COX16: variants seen among roughly 807,000 people sequenced by gnomAD.
COX16 encodes cytochrome c oxidase assembly factor COX16.
Under a neutral mutation model 15.4 loss-of-function variants are expected in COX16, and 12 were observed. The observed-to-expected ratio is 0.78, with a 90% CI of 0.50 to 1.26. The LOEUF (loss-of-function observed/expected upper bound fraction) is 1.26. Ranked by LOEUF, COX16 falls within the 50% of genes most tolerant of loss-of-function variation. The probability of loss-of-function intolerance (pLI) is 0.00; values close to 1 mark genes in which losing one functional copy is unlikely to be tolerated. For missense variants in COX16, 124 were observed against 127.6 expected (o/e 0.97, Z 0.14); for synonymous variants, 46 against 41.1 (o/e 1.12, Z -0.46).
chr14:70,346,076 C>A (rs566207265), intron 1 of COX16, among the ~76,000 whole-genome samples: 1 of 152,096 alleles, frequency 6.6e-6, no homozygotes, highest in African/African-American at 2.4e-5. Context: ...CGCCACCTTA[C>A]GCCCCTGCCT....
intron 1 of COX16, chr14:70,359,300 C>T (rs1179192372): frequency 6.3e-6 from 4 of 638,732 alleles, no homozygotes; most frequent in South Asian, 6.0e-5. Flanking sequence ...TCCTAGTACA[C>T]CTGAAATCCA....
chr14:70,340,463 G>C (rs1414221959), intron 2 of COX16, among the ~76,000 whole-genome samples: 4 of 152,132 alleles, frequency 2.6e-5, no homozygotes, highest in Non-Finnish European at 5.9e-5. Context: ...CCAAAACCTT[G>C]AGACATCTTA....
chr14:70,342,910 A>G (rs544515216), intron 1 of COX16, among the ~76,000 whole-genome samples, 181 bp from the exon 2 acceptor site: 5 of 152,348 alleles, frequency 3.3e-5, no homozygotes, highest in African/African-American at 1.2e-4. Flanking sequence ...TGGCTAGGAA[A>G]TCATTATAGC....
At chr14:70,331,815 TCAGGATGTC>T (rs1886299624) in intron 2 of COX16, among the ~76,000 whole-genome samples, 1 of 13,792 alleles carries the variant, frequency 7.3e-5, no homozygotes, top group Non-Finnish European at 1.7e-4. Flanking sequence ...ATGGGAATGT[TCAGGATGTC>T]ACCAAGATGG....
Position 70,359,660 on chromosome 14 carries a change from T to C in COX16, c.-73A>G. 7.3e-7 allele frequency: 1 copy of C among 1,363,408 alleles called. No individual in the cohort carries two copies. The highest frequency in any genetic ancestry group is 1.4e-5 in the African/African-American group (1 of 70,254). 84.5% of individuals were successfully genotyped at this position (1,363,408 alleles called of 1,614,324 possible). A position where few individuals can be genotyped will look rare whatever the true frequency, so the allele number is the denominator to read the frequency against. On this transcript the variant is annotated 5_prime_UTR_variant, in exon 1 of 4. Transcript: ENST00000389912. ...ACTCCCAAATCTCAGCAGCTCACGCTCTCACCAAGACGAGTACGTCCTTAA... is the reference window on the plus strand; with the variant it reads ...ACTCCCAAATCTCAGCAGCTCACGCCCTCACCAAGACGAGTACGTCCTTAA...
intron 1 of COX16, among the ~76,000 whole-genome samples, chr14:70,347,060 G>T (rs981575810): frequency 1.3e-5 from 2 of 151,630 alleles, no homozygotes; most frequent in Non-Finnish European, 2.9e-5. Flanking sequence ...ACCTTCAGTC[G>T]CAAAACACCA....
chr14:70,326,294 T>C lies in COX16; in HGVS notation c.*39A>G. 3 of 1,406,430 alleles carry C rather than the reference T, an allele frequency of 2.1e-6. No homozygotes were observed. Among genetic ancestry groups the C allele is most frequent in the Non-Finnish European group, 2.8e-6 (3 of 1,069,174 alleles). The allele number at this position is 1,406,430 out of a possible 1,614,324, so 87.1% of individuals were successfully genotyped here. ...TAGGAAGTCCAGTTAATAATATTTTTATTTAAAAAAAAAAAAAAGGAAAAA... is the reference window on the plus strand; with the variant it reads ...TAGGAAGTCCAGTTAATAATATTTTCATTTAAAAAAAAAAAAAAGGAAAAA... On this transcript the variant is annotated 3_prime_UTR_variant, in exon 4 of 4. Coordinates refer to ENST00000389912, the MANE Select transcript of COX16 (RefSeq NM_016468.7).
At chr14:70,357,983 AAAC>A (rs2140770273) in intron 1 of COX16, among the ~76,000 whole-genome samples, 1 of 152,354 alleles carries the variant, frequency 6.6e-6, no homozygotes, top group South Asian at 2.1e-4. Context: ...TCAAAAATTG[AAAC>A]AACCCAAATG....
intron 2 of COX16, among the ~76,000 whole-genome samples, chr14:70,340,170 T>A: frequency 6.6e-6 from 1 of 152,112 alleles, no homozygotes; most frequent in Middle Eastern, 3.2e-3. Flanking sequence ...CCCATGCTAG[T>A]CTCATGATAG....
intron 2 of COX16, among the ~76,000 whole-genome samples, chr14:70,330,678 A>G (rs1255767578): frequency 2.0e-5 from 3 of 152,236 alleles, no homozygotes; most frequent in African/African-American, 7.2e-5. Flanking sequence ...TAATTTGCAA[A>G]CAAACTAATG....
At chr14:70,341,736 GTTTC>G (rs1368485965) in intron 2 of COX16, among the ~76,000 whole-genome samples, 1 of 152,052 alleles carries the variant, frequency 6.6e-6, no homozygotes, top group Non-Finnish European at 1.5e-5. Flanking sequence ...TTCAACGTAC[GTTTC>G]TTTTACTTTA....
chr14:70,325,181 A>G lies in COX16; in HGVS notation c.*1152T>C, dbSNP rs947369982. 1.3e-5 allele frequency: 2 copies of G among 152,236 alleles called. No homozygotes were observed. Among genetic ancestry groups the G allele is most frequent in the African/African-American group, 4.8e-5 (2 of 41,458 alleles). The allele number at this position is 152,236 out of a possible 1,614,324, so 9.4% of individuals were successfully genotyped here. The stretch of plus-strand genomic sequence containing the variant: ...GTGGATTTATGATTTTATGGCAATT[A>G]TAACAGGAGTGTTTCAATGGAGACT... On this transcript the variant is annotated 3_prime_UTR_variant, in exon 4 of 4. Coordinates refer to ENST00000389912, the MANE Select transcript of COX16 (RefSeq NM_016468.7).
chr14:70,340,564 T>A lies in COX16; in HGVS notation c.141+2094A>T, dbSNP rs191139452. On this transcript the variant is annotated intron_variant, in intron 2 of 3. Coordinates refer to ENST00000389912, the MANE Select transcript of COX16 (RefSeq NM_016468.7). Reference sequence around the variant, plus strand: ...ATTGCTGGAACTCATTAATTTCTCTTTATCATCGTTGCAAATATTTTATTT... The same window carrying A: ...ATTGCTGGAACTCATTAATTTCTCTATATCATCGTTGCAAATATTTTATTT... Among the ~76,000 whole-genome samples, 331 of 151,902 alleles carry A rather than the reference T, an allele frequency of 2.2e-3. 1 individual carries two copies. The highest frequency in any genetic ancestry group is 3.7e-3 in the Non-Finnish European group (250 of 68,010).
intron 2 of COX16, among the ~76,000 whole-genome samples, chr14:70,332,439 C>T (rs1886319166): frequency 6.6e-6 from 1 of 152,120 alleles, no homozygotes; most frequent in South Asian, 2.1e-4. Flanking sequence ...GACAAGTGCC[C>T]CACTTGAGCC....
At chr14:70,353,288 A>T (rs1042372104) in intron 1 of COX16, among the ~76,000 whole-genome samples, 1 of 150,322 alleles carries the variant, frequency 6.7e-6, no homozygotes, top group Middle Eastern at 3.2e-3. Context: ...AAAGAAAAAA[A>T]ATCTAATTAG....
intron 2 of COX16, among the ~76,000 whole-genome samples, chr14:70,333,244 A>C (rs1430130137): frequency 6.6e-6 from 1 of 152,262 alleles, no homozygotes; most frequent in East Asian, 1.9e-4. Flanking sequence ...AGGCACTGGA[A>C]ACCAACCCTA....
chr14:70,333,779 A>G (rs1886363176), intron 2 of COX16, among the ~76,000 whole-genome samples: 1 of 152,216 alleles, frequency 6.6e-6, no homozygotes, highest in Non-Finnish European at 1.5e-5. Context: ...ACCCCAAGAC[A>G]TATTATAATC....
chr14:70,325,504 G>C lies in COX16; in HGVS notation c.*829C>G, dbSNP rs774235692. On this transcript the variant is annotated 3_prime_UTR_variant, in exon 4 of 4. Coordinates refer to ENST00000389912, the MANE Select transcript of COX16 (RefSeq NM_016468.7). ...TGAGGCAGGAGAATGGTGTGAACCC[G>C]GGAAGCAGAGCTTGCAGTGAGCAGA... 6.6e-6 allele frequency: 1 copy of C among 152,284 alleles called. No homozygotes were observed. Among genetic ancestry groups the C allele is most frequent in the Non-Finnish European group, 1.5e-5 (1 of 68,116 alleles). The allele number at this position is 152,284 out of a possible 1,614,324, so 9.4% of individuals were successfully genotyped here. A position where few individuals can be genotyped will look rare whatever the true frequency, so the allele number is the denominator to read the frequency against.
chr14:70,352,574 A>T (rs1217214843), intron 1 of COX16, among the ~76,000 whole-genome samples: 1 of 113,628 alleles, frequency 8.8e-6, no homozygotes, highest in Non-Finnish European at 2.1e-5. Flanking sequence ...AACATAATGC[A>T]TATTACATAC....
Sources: allele counts gnomAD v4.1 joint callset (sites outside exome capture counted in the v4.1 genomes callset), GRCh38; gene constraint gnomAD v4.1.1; transcripts MANE v1.5; gene names NCBI Gene and HGNC (gene_info 2026-07-23, HGNC 2026-07-21).